PIK3C2A: variants seen among roughly 807,000 people sequenced by gnomAD.
PIK3C2A encodes phosphatidylinositol-4-phosphate 3-kinase catalytic subunit type 2 alpha.
A neutral mutation model predicts 204.5 loss-of-function variants in PIK3C2A; 97 were observed. The observed-to-expected ratio is 0.47, with a 90% CI of 0.40 to 0.56. PIK3C2A has a LOEUF of 0.56. Among genes scored for constraint, PIK3C2A ranks in the 20% least tolerant of loss-of-function variants. PIK3C2A has a pLI of 0.00. For missense variants in PIK3C2A, 1,735 were observed against 1,969.2 expected (o/e 0.88, Z 2.25); for synonymous variants, 653 against 664.4 (o/e 0.98, Z 0.26).
chr11:17,147,410 C>G, intron 6 of PIK3C2A, 107 bp downstream of exon 6: 1 of 650,536 alleles, frequency 1.5e-6, no homozygotes, highest in Non-Finnish European at 2.8e-6. Context: ...GTTCATCACC[C>G]CATTCTAACT....
intron 1 of PIK3C2A, among the ~76,000 whole-genome samples, chr11:17,203,650 A>C (rs1852461650): frequency 6.6e-6 from 1 of 152,096 alleles, no homozygotes; most frequent in Non-Finnish European, 1.5e-5. Flanking sequence ...CAGAGAACCA[A>C]GACAGAATAG....
In PIK3C2A at chr11:17,206,752, G is replaced by A. The variant is rs140339277; in HGVS notation, c.-66+1096C>T. On this transcript the variant is annotated intron_variant, in intron 1 of 32. Coordinates refer to ENST00000691414, the MANE Select transcript of PIK3C2A (RefSeq NM_002645.4). ...TCCCTCTTTCTACTATGTCTTCACC[G>A]TTCCCCTACAAACAGCTTTCTTCTT... is the stretch of plus-strand genomic sequence containing the variant. 5.9e-3 allele frequency among the ~76,000 whole-genome samples: 904 copies of A among 152,212 alleles called. 17 individuals carry two copies. The highest frequency in any genetic ancestry group is 0.021 in the African/African-American group (860 of 41,534).
At chr11:17,196,705 G>C (rs1202033129) in intron 1 of PIK3C2A, among the ~76,000 whole-genome samples, 1 of 152,044 alleles carries the variant, frequency 6.6e-6, no homozygotes, top group African/African-American at 2.4e-5. Context: ...GAGTAGCTGG[G>C]ACTACAGGTA....
intron 2 of PIK3C2A, among the ~76,000 whole-genome samples, chr11:17,158,235 C>A (rs1168665108): frequency 6.6e-6 from 1 of 151,856 alleles, no homozygotes; most frequent in South Asian, 2.1e-4. Context: ...GTAATCCCAG[C>A]TACTCGGGAG....
At position 17,097,085 on chromosome 11, in the gene PIK3C2A, T is replaced by C. The variant is rs765741035; in HGVS notation, c.4298A>G (p.His1433Arg). The C allele has an allele frequency of 5.6e-6, 9 of 1,594,602 alleles. No homozygotes were observed. Among genetic ancestry groups the C allele is most frequent in the Non-Finnish European group, 6.9e-6 (8 of 1,162,520 alleles). ...RIKEVSVFTYHKKYNPDKHYI... is the reference protein window; with the variant it reads ...RIKEVSVFTYRKKYNPDKHYI... ...ATGTTTATCTGGGTTGTATTTCTTA[T>C]GATATGTAAAAACAGAGACTTCCTT... The change falls in exon 27 of 33, where the codon CAT (histidine) becomes CGT (arginine). Residue 1433 changes from histidine (H) to arginine (R), a missense_variant. By Grantham distance (29) the His-to-Arg change is conservative. Transcript: ENST00000691414.
chr11:17,195,004 C>T (rs899962371), intron 1 of PIK3C2A, among the ~76,000 whole-genome samples: 13 of 151,980 alleles, frequency 8.6e-5, no homozygotes, highest in East Asian at 3.9e-4. Context: ...AATTTTGTTA[C>T]GTTAAGTATG....
chr11:17,113,737 G>A (rs1488880421), intron 20 of PIK3C2A, among the ~76,000 whole-genome samples: 1 of 143,260 alleles, frequency 7.0e-6, no homozygotes, highest in East Asian at 2.0e-4. Flanking sequence ...AGCCGAGATT[G>A]CACCATTGCA....
At chr11:17,173,128 T>C (rs573578548) in intron 1 of PIK3C2A, among the ~76,000 whole-genome samples, 52 of 152,342 alleles carry the variant, frequency 3.4e-4, no homozygotes, top group African/African-American at 1.3e-3. Context: ...AAAACATTTT[T>C]ATCACAGCTT....
intron 1 of PIK3C2A, among the ~76,000 whole-genome samples, chr11:17,178,791 G>A (rs1426388023): frequency 4.9e-5 from 7 of 143,260 alleles, no homozygotes; most frequent in Admixed American, 2.9e-4. Flanking sequence ...CTGCAGTGGC[G>A]CAATCTCAGC....
chr11:17,181,190 G>A (rs961413783), intron 1 of PIK3C2A, among the ~76,000 whole-genome samples: 1 of 152,020 alleles, frequency 6.6e-6, no homozygotes, highest in Non-Finnish European at 1.5e-5. Flanking sequence ...TTTAATGGAG[G>A]CTTCATTATA....
chr11:17,148,449 A>G (rs1202658478), intron 5 of PIK3C2A: 3 of 494,672 alleles, frequency 6.1e-6, no homozygotes, highest in Middle Eastern at 5.6e-4. Flanking sequence ...AAGCTCCTTA[A>G]GGGAATACAA....
At position 17,169,804 on chromosome 11, in the gene PIK3C2A, G is replaced by T; in HGVS notation, c.-63C>A. ...TTTCTTGTAGCTTCCAAAATAGCAA[G>T]GCCTATACATAAAAATAAACATAAC... On this transcript the variant is annotated splice_region_variant and 5_prime_UTR_variant, in exon 2 of 33. Transcript: ENST00000691414. 9.5e-7 allele frequency: 1 copy of T among 1,050,026 alleles called. No individual in the cohort carries two copies. The highest frequency in any genetic ancestry group is 1.4e-6 in the Non-Finnish European group (1 of 725,222). 65.0% of individuals were successfully genotyped at this position (1,050,026 alleles called of 1,614,324 possible).
At chr11:17,094,948 A>T (rs902311250) in intron 27 of PIK3C2A, among the ~76,000 whole-genome samples, 1 of 152,200 alleles carries the variant, frequency 6.6e-6, no homozygotes, top group African/African-American at 2.4e-5. Context: ...AGATAGATAA[A>T]CTAGAACTTA....
chr11:17,169,890 G>T (rs1851104194), intron 1 of PIK3C2A, 84 bp from the exon 2 acceptor site: 1 of 589,524 alleles, frequency 1.7e-6, no homozygotes, highest in Non-Finnish European at 2.9e-6. Context: ...TATGACTTTG[G>T]ACTTTAAGCC....
chr11:17,192,172 G>T (rs932220324), intron 1 of PIK3C2A, among the ~76,000 whole-genome samples: 2 of 151,914 alleles, frequency 1.3e-5, no homozygotes, highest in African/African-American at 4.8e-5. Context: ...AATAATGCAG[G>T]TGTAATAGAA....
chr11:17,095,246 A>G (rs1848417637), intron 27 of PIK3C2A, among the ~76,000 whole-genome samples: 1 of 152,050 alleles, frequency 6.6e-6, no homozygotes, highest in Admixed American at 6.6e-5. Context: ...AGCCAGGGTA[A>G]TAGAGCGAGA....
intron 5 of PIK3C2A, chr11:17,148,456 A>G: frequency 2.0e-6 from 1 of 511,046 alleles, no homozygotes; most frequent in Non-Finnish European, 3.5e-6. Context: ...TTAAGGGAAT[A>G]CAATGTCTCA....
chr11:17,200,479 G>GA (rs1463758572), intron 1 of PIK3C2A, among the ~76,000 whole-genome samples: 1 of 152,132 alleles, frequency 6.6e-6, no homozygotes, highest in African/African-American at 2.4e-5. Context: ...TATGCTAAAT[G>GA]AAAGAAGCCA....
chr11:17,130,608 T>G (rs189350367), intron 12 of PIK3C2A, among the ~76,000 whole-genome samples: 122 of 147,678 alleles, frequency 8.3e-4, no homozygotes, highest in Admixed American at 6.0e-3. Context: ...AATTCAAGAC[T>G]AGCCTGGCCA....
Sources: allele counts gnomAD v4.1 joint callset (sites outside exome capture counted in the v4.1 genomes callset), GRCh38; gene constraint gnomAD v4.1.1; transcripts MANE v1.5; gene names NCBI Gene and HGNC (gene_info 2026-07-23, HGNC 2026-07-21).